CADPS: variants seen among roughly 807,000 people sequenced by gnomAD.
The protein encoded by CADPS is calcium dependent secretion activator.
CADPS carries 57 observed loss-of-function variants against 167.3 expected under a neutral mutation model. That is an observed-to-expected ratio of 0.34 (90% confidence interval 0.28 to 0.42). The LOEUF is 0.42. CADPS is among the 20% of genes least tolerant of loss of function. The pLI is 1.00. For synonymous variants in CADPS, 676 were observed against 635.3 expected (o/e 1.06, Z -0.96); for missense variants, 1,414 against 1,738.1 (o/e 0.81, Z 3.32).
At position 62,765,916 on chromosome 3, in the gene CADPS, G is replaced by T. The variant is rs755368027; in HGVS notation, c.510C>A (p.Ile170=). 7.4e-6 allele frequency: 12 copies of T among 1,613,428 alleles called. No individual in the cohort carries two copies. The South Asian group carries it at 1.2e-4, about 16-fold the overall frequency. ...FQAFLNGETQ[I]MADEAFMNAV... is the part of the protein sequence containing the mutation. ...CGTTCATGAAGGCTTCGTCAGCCAT[G>T]ATCTGGGTTTCCCCATTGAGGAAAG... is the stretch of plus-strand genomic sequence containing the variant. The change falls in exon 2 of 30, where the codon ATC becomes ATA. Residue 170 remains isoleucine (I), a synonymous_variant. Coordinates refer to ENST00000383710, the MANE Select transcript of CADPS (RefSeq NM_003716.4).
intron 3 of CADPS, among the ~76,000 whole-genome samples, chr3:62,740,548 C>T (rs990435064): frequency 3.3e-5 from 5 of 152,184 alleles, no homozygotes; most frequent in African/African-American, 1.2e-4. Context: ...CAGATCATCT[C>T]TCTTTACTCA....
intron 13 of CADPS, among the ~76,000 whole-genome samples, chr3:62,529,862 C>A (rs1340880599): frequency 6.6e-6 from 1 of 152,190 alleles, no homozygotes; most frequent in African/African-American, 2.4e-5. Context: ...GGATCAGAGT[C>A]ATCAGTTCTA....
At chr3:62,741,950 G>A (rs1385159433) in intron 3 of CADPS, among the ~76,000 whole-genome samples, 3 of 152,106 alleles carry the variant, frequency 2.0e-5, no homozygotes, top group Non-Finnish European at 4.4e-5. Flanking sequence ...AAATCAATGT[G>A]CAAAAATCAC....
intron 13 of CADPS, chr3:62,530,676 G>C (rs544474550): frequency 5.4e-5 from 70 of 1,287,688 alleles, no homozygotes; most frequent in Non-Finnish European, 7.0e-5. Context: ...TGATTTGCCT[G>C]GGTTTTGGAA....
At chr3:62,470,078 G>T (rs180706055) in intron 24 of CADPS, among the ~76,000 whole-genome samples, 6 of 152,296 alleles carry the variant, frequency 3.9e-5, no homozygotes, top group Admixed American at 2.6e-4. Context: ...GACCAAGTGA[G>T]AAACTATTTA....
intron 18 of CADPS, among the ~76,000 whole-genome samples, chr3:62,494,669 ATTTTTTT>A (rs56153630): frequency 8.4e-6 from 1 of 118,618 alleles, no homozygotes. Flanking sequence ...CTTACCAGCA[ATTTTTTT>A]TTTTTTTTTG....
intron 28 of CADPS, among the ~76,000 whole-genome samples, chr3:62,405,650 G>A (rs1487686309): frequency 2.6e-5 from 4 of 152,120 alleles, no homozygotes; most frequent in Non-Finnish European, 5.9e-5. Flanking sequence ...TGCATCACAC[G>A]CAGCCTCCCA....
chr3:62,806,691 A>G (rs1414711798), intron 1 of CADPS, among the ~76,000 whole-genome samples: 1 of 152,156 alleles, frequency 6.6e-6, no homozygotes, highest in Non-Finnish European at 1.5e-5. Flanking sequence ...TTGGCAGAGT[A>G]TGTTACTGAA....
At position 62,576,788 on chromosome 3, in the gene CADPS, TAAAAAAAA is replaced by T. The variant is rs138055445; in HGVS notation, c.1578-5858_1578-5851del. Among the ~76,000 whole-genome samples, 4 of 29,870 alleles carry T rather than the reference TAAAAAAAA, an allele frequency of 1.3e-4. No individual in the cohort carries two copies. The Admixed American group carries it at 1.7e-3, about 13-fold the overall frequency. 19.6% of individuals were successfully genotyped at this position (29,870 alleles called of 152,430 possible). ...CTGGGTGACAGAGCAAGACTCTGTC[TAAAAAAAA>T]AAAAAAAAAAAAAAAAAAAAAGCAG... On this transcript the variant is annotated intron_variant, in intron 8 of 29. Transcript: ENST00000383710.
chr3:62,783,111 T>C (rs1462459827), intron 1 of CADPS, among the ~76,000 whole-genome samples: 1 of 152,146 alleles, frequency 6.6e-6, no homozygotes, highest in Admixed American at 6.5e-5. Flanking sequence ...AAAATTGTTA[T>C]GGTTCCAAAA....
chr3:62,617,366 A>G (rs1286823665), intron 6 of CADPS, among the ~76,000 whole-genome samples: 2 of 152,156 alleles, frequency 1.3e-5, no homozygotes, highest in African/African-American at 4.8e-5. Context: ...ATATGGATGA[A>G]CAGAGTAAGT....
chr3:62,819,864 T>C (rs2152924952), intron 1 of CADPS, among the ~76,000 whole-genome samples: 1 of 152,302 alleles, frequency 6.6e-6, no homozygotes, highest in Middle Eastern at 3.4e-3. Context: ...GTGCCTGGTC[T>C]CCCATGAACT....
At chr3:62,470,609 G>A (rs537441581) in intron 24 of CADPS, 6 of 152,316 alleles carry the variant, frequency 3.9e-5, no homozygotes, top group South Asian at 2.1e-4. Context: ...ATTAAGTCAA[G>A]CTAGCTTTAT....
intron 28 of CADPS, among the ~76,000 whole-genome samples, chr3:62,435,918 G>GA (rs1241204733): frequency 6.6e-6 from 1 of 151,514 alleles, no homozygotes; most frequent in Non-Finnish European, 1.5e-5. Flanking sequence ...CTTGCTTTCG[G>GA]AAAAAAATAT....
chr3:62,403,228 G>T, intron 28 of CADPS, 43 bp from the exon 29 acceptor site: 1 of 1,304,780 alleles, frequency 7.7e-7, no homozygotes, highest in Non-Finnish European at 1.1e-6. Context: ...ACATCATGGA[G>T]CATTTATAGG....
At chr3:62,474,099 G>A (rs562560238) in intron 24 of CADPS, 74 bp downstream of exon 24, 3 of 1,062,236 alleles carry the variant, frequency 2.8e-6, no homozygotes, top group East Asian at 5.3e-5. Flanking sequence ...TAGATGGAAG[G>A]AATTTGTGAA....
Position 62,446,025 on chromosome 3 carries a change from T to A in CADPS, c.3637-228A>T, listed in dbSNP as rs2057165710. ...CGCAAATTTACTGATTCAGATTCTG[T>A]TGCTGGAGCGGGAGCTTTACATTTT... is the stretch of plus-strand genomic sequence containing the variant. On this transcript the variant is annotated intron_variant, in intron 26 of 29. Coordinates refer to ENST00000383710, the MANE Select transcript of CADPS (RefSeq NM_003716.4). The surrounding 1 kb of genome is among the most constrained non-coding windows in gnomAD (Gnocchi z 4.9). Among the ~76,000 whole-genome samples the A allele has an allele frequency of 6.6e-6, 1 of 152,212 alleles. No individual in the cohort carries two copies. The highest frequency in any genetic ancestry group is 6.5e-5 in the Admixed American group (1 of 15,284).
chr3:62,486,146 T>G (rs1467991272), intron 21 of CADPS, among the ~76,000 whole-genome samples: 1 of 152,210 alleles, frequency 6.6e-6, no homozygotes, highest in African/African-American at 2.4e-5. Context: ...TAAAACCTAT[T>G]TTCAAAAAAG....
At chr3:62,739,016 G>A (rs746356794) in intron 3 of CADPS, among the ~76,000 whole-genome samples, 5 of 152,136 alleles carry the variant, frequency 3.3e-5, no homozygotes, top group African/African-American at 7.2e-5. Context: ...TGATTATAAC[G>A]ACACCTTTTG....
Sources: gnomAD v4.1 joint callset for allele counts (sites outside exome capture counted in the v4.1 genomes callset) on GRCh38, gnomAD v4.1.1 for gene constraint, Gnocchi (gnomAD v3.1) non-coding constraint, MANE v1.5 for transcripts, NCBI Gene and HGNC (gene_info 2026-07-23, HGNC 2026-07-21) for gene names.